The following FLT3 variants were observed in gnomAD, a reference collection of about 807,000 sequenced individuals.
FLT3 encodes fms related receptor tyrosine kinase 3, also known as receptor-type tyrosine-protein kinase FLT3.
FLT3 carries 46 observed loss-of-function variants against 126.6 expected under a neutral mutation model. The observed-to-expected ratio is 0.36, with a 90% CI of 0.29 to 0.46. The LOEUF (loss-of-function observed/expected upper bound fraction) is 0.46. FLT3 is among the 20% of genes least tolerant of loss of function. FLT3 has a pLI of 1.00. For synonymous variants in FLT3, 404 were observed against 434.4 expected, an observed-to-expected ratio of 0.93 and a Z score of 0.87; for missense variants, 1,069 against 1,190.3, an observed-to-expected ratio of 0.90 and a Z score of 1.50.
At chr13:28,075,639 C>T (rs1359373723) in intron 1 of FLT3, among the ~76,000 whole-genome samples, 1 of 151,256 alleles carries the variant, frequency 6.6e-6, no homozygotes, top group Non-Finnish European at 1.5e-5. Flanking sequence ...GCAGAAGAAT[C>T]ACTTCAACCT....
At chr13:28,052,014 C>T (rs1875535219) in intron 5 of FLT3, among the ~76,000 whole-genome samples, 1 of 151,804 alleles carries the variant, frequency 6.6e-6, no homozygotes, top group Non-Finnish European at 1.5e-5. Context: ...CCAAAAAGCC[C>T]CTTACCAAAA....
At chr13:28,024,226 G>A (rs1034934549) in intron 18 of FLT3, among the ~76,000 whole-genome samples, 1 of 150,762 alleles carries the variant, frequency 6.6e-6, no homozygotes, top group Non-Finnish European at 1.5e-5. Context: ...CTGCCTCTTG[G>A]GTTCAAGCAA....
intron 23 of FLT3, among the ~76,000 whole-genome samples, chr13:28,011,682 T>TTCCTTCCTTCCTTCCTTCCTTC (rs1871383013): frequency 1.5e-5 from 2 of 137,110 alleles, no homozygotes; most frequent in African/African-American, 5.3e-5. Context: ...CTTCCTTCCC[T>TTCCTTCCTTCCTTCCTTCCTTC]CCTCCTTCCT....
chr13:28,024,516 A>C (rs1346216228), intron 18 of FLT3, among the ~76,000 whole-genome samples: 1 of 152,244 alleles, frequency 6.6e-6, no homozygotes, highest in African/African-American at 2.4e-5. Flanking sequence ...TGGTGGTCAC[A>C]TAACTTGTCC....
intron 1 of FLT3, among the ~76,000 whole-genome samples, chr13:28,098,442 CT>C (rs1345793831): frequency 6.6e-6 from 1 of 151,902 alleles, no homozygotes; most frequent in Non-Finnish European, 1.5e-5. Context: ...TCACTTTATC[CT>C]TCTTTATTCA....
chr13:28,034,055 G>A lies in FLT3; in HGVS notation c.1837+27C>T, dbSNP rs776498341. ...TTTCCAATGGAAAAGAAATGCTGCA[G>A]AAACATTTGGCACATTCCATTCTTA... On this transcript the variant is annotated intron_variant, in intron 14 of 23. Transcript: ENST00000241453. The A allele has an allele frequency of 3.1e-6, 5 of 1,613,530 alleles. No individual in the cohort carries two copies. The South Asian group carries it at 3.3e-5, about 11-fold the overall frequency.
At chr13:28,019,111 G>T (rs1872154969) in intron 19 of FLT3, among the ~76,000 whole-genome samples, 1 of 152,060 alleles carries the variant, frequency 6.6e-6, no homozygotes. Context: ...GGGATTACAG[G>T]CACGCGCCAC....
At position 28,028,229 on chromosome 13, in the gene FLT3, G is replaced by T. The variant is rs772963831; in HGVS notation, c.2002C>A (p.Leu668Met). ...TTCACAATATTCTCGTGGCTTCCCA[G>T]CTGGGTCATCATCTTGAGTTCTGAC... ...LMSELKMMTQ[L>M]GSHENIVNLL... The change falls in exon 16 of 24, where the codon CTG (leucine) becomes ATG (methionine). Residue 668 changes from leucine to methionine, a missense_variant. Physicochemically the swap from Leu to Met is conservative, Grantham distance 15. Transcript: ENST00000241453. 2 of 1,612,546 alleles carry T rather than the reference G, an allele frequency of 1.2e-6. No homozygotes were observed. The highest frequency in any genetic ancestry group is 8.5e-7 in the Non-Finnish European group (1 of 1,178,578).
chr13:28,080,263 C>A (rs889463885), intron 1 of FLT3, among the ~76,000 whole-genome samples: 5 of 152,224 alleles, frequency 3.3e-5, no homozygotes, highest in Non-Finnish European at 2.9e-5. Context: ...GTAATCCCAG[C>A]TACTCAGGAG....
At chr13:28,062,218 G>A (rs569764495) in intron 2 of FLT3, 149 bp from the exon 3 acceptor site, 6 of 609,460 alleles carry the variant, frequency 9.8e-6, no homozygotes, top group African/African-American at 7.4e-5. Flanking sequence ...ACACGTTGCC[G>A]ACTGAAGGTC....
chr13:28,071,950 T>C lies in FLT3; in HGVS notation c.44-1338A>G, dbSNP rs143250888. Among the ~76,000 whole-genome samples the C allele has an allele frequency of 6.5e-3, 990 of 152,128 alleles. 10 individuals carry two copies. Among genetic ancestry groups the C allele is most frequent in the African/African-American group, 0.022 (930 of 41,498 alleles). On this transcript the variant is annotated intron_variant, in intron 1 of 23. Transcript: ENST00000241453. ...CTTGGCCTCCCAAGTTGTTGGATGA[T>C]AGGTGTGAGCCACTACACCCAGCTT...
At chr13:28,076,862 A>C (rs1475200120) in intron 1 of FLT3, among the ~76,000 whole-genome samples, 1 of 151,764 alleles carries the variant, frequency 6.6e-6, no homozygotes, top group Non-Finnish European at 1.5e-5. Context: ...AGGGAGGTCA[A>C]GGCTGCAGTG....
At chr13:28,085,169 CCT>C (rs1232990916) in intron 1 of FLT3, among the ~76,000 whole-genome samples, 1 of 150,858 alleles carries the variant, frequency 6.6e-6, no homozygotes, top group African/African-American at 2.4e-5. Flanking sequence ...GTGGTGAAAC[CCT>C]GTTTCTACTA....
chr13:28,061,704 G>A (rs966161139), intron 3 of FLT3, among the ~76,000 whole-genome samples, 163 bp downstream of exon 3: 1 of 151,920 alleles, frequency 6.6e-6, no homozygotes, highest in East Asian at 1.9e-4. Context: ...TTGGAAGGTC[G>A]AGGCTACAGT....
chr13:28,034,518 C>A, intron 12 of FLT3, 111 bp from the exon 13 acceptor site: 1 of 771,994 alleles, frequency 1.3e-6, no homozygotes, highest in South Asian at 1.7e-5. Flanking sequence ...TAATCATTTT[C>A]AGTCCTAACA....
At chr13:28,016,105 G>A (rs770859966) in intron 20 of FLT3, among the ~76,000 whole-genome samples, 90 of 152,198 alleles carry the variant, frequency 5.9e-4, no homozygotes, top group Middle Eastern at 3.4e-3. Flanking sequence ...CAATAATGTC[G>A]GGAGGGGAGC....
intron 23 of FLT3, 66 bp from the exon 24 acceptor site, chr13:28,004,240 T>C (rs760023852): frequency 3.4e-6 from 5 of 1,468,898 alleles, no homozygotes; most frequent in Non-Finnish European, 4.7e-6. Context: ...TATGCGCCCA[T>C]ATTACAAATT....
Position 28,049,402 on chromosome 13 carries a change from C to A in FLT3, c.1018G>T (p.Ala340Ser). 1 of 1,613,724 alleles carries A rather than the reference C, an allele frequency of 6.2e-7. No individual in the cohort carries two copies. The highest frequency in any genetic ancestry group is 8.5e-7 in the Non-Finnish European group (1 of 1,179,868). The part of the protein sequence containing the change: ...CSSSKHPSQS[A>S]LVTIVEKGFI... ...GCATTACCTACGATGGTAACCAAAGCTGATTGACTGGGATGCTTTGAAGAG... is the reference window on the plus strand; with the variant it reads ...GCATTACCTACGATGGTAACCAAAGATGATTGACTGGGATGCTTTGAAGAG... Residue 340 changes from alanine to serine, a missense_variant, in exon 8 of 24, where the codon GCT (alanine) becomes TCT (serine). Transcript: ENST00000241453.
At chr13:28,085,440 T>A (rs1046617276) in intron 1 of FLT3, among the ~76,000 whole-genome samples, 3 of 152,064 alleles carry the variant, frequency 2.0e-5, no homozygotes, top group African/African-American at 7.2e-5. Flanking sequence ...TGTGATGTGG[T>A]CAAGTTGCTT....
Sources: gnomAD v4.1 joint callset for allele counts (sites outside exome capture counted in the v4.1 genomes callset) on GRCh38, gnomAD v4.1.1 for gene constraint, MANE v1.5 for transcripts, NCBI Gene and HGNC (gene_info 2026-07-23, HGNC 2026-07-21) for gene names.